Variants in TTC33 observed in about 807,000 individuals in gnomAD.
The protein encoded by TTC33 is tetratricopeptide repeat domain 33.
TTC33 carries 24 observed loss-of-function variants against 29.4 expected under a neutral mutation model. That is an observed-to-expected ratio of 0.82 (90% CI 0.59 to 1.15). TTC33 has a LOEUF of 1.15. TTC33 is among the 50% of genes most tolerant of loss of function. The pLI is 0.00. For synonymous variants in TTC33, 107 were observed against 100.3 expected (o/e 1.07, Z -0.40); for missense variants, 286 against 310.4 (o/e 0.92, Z 0.59).
Position 40,716,354 on chromosome 5 carries a change from T to A in TTC33, c.580A>T (p.Thr194Ser). Residue 194 changes from threonine to serine, a missense_variant, in exon 5 of 5, where the codon ACA becomes TCA. Thr to Ser is a moderately conservative substitution (Grantham distance 58, BLOSUM62 1). Coordinates refer to ENST00000337702, the MANE Select transcript of TTC33 (RefSeq NM_012382.3). ...GGAATTGACTTTGGTGAAAAGTGTGTTACTTCAGCTGGTGCTTCACTTTTT... is the reference window on the plus strand; with the variant it reads ...GGAATTGACTTTGGTGAAAAGTGTGATACTTCAGCTGGTGCTTCACTTTTT... ...IKKSEAPAEV[T>S]HFSPKSIPDY... is the part of the protein sequence containing the mutation. 6.2e-7 allele frequency: 1 copy of A among 1,614,204 alleles called. No homozygotes were observed. Among genetic ancestry groups the A allele is most frequent in the Non-Finnish European group, 8.5e-7 (1 of 1,180,034 alleles).
chr5:40,743,002 T>C (rs1408358029), intron 2 of TTC33, among the ~76,000 whole-genome samples: 1 of 152,198 alleles, frequency 6.6e-6, no homozygotes, highest in East Asian at 1.9e-4. Context: ...GAAGACACTA[T>C]ACAAGTTAGA....
Position 40,714,422 on chromosome 5 carries a change from C to T in TTC33, c.*1723G>A, listed in dbSNP as rs1169680109. 1 of 152,006 alleles carries T rather than the reference C, an allele frequency of 6.6e-6. No individual in the cohort carries two copies. Among genetic ancestry groups the T allele is most frequent in the African/African-American group, 2.4e-5 (1 of 41,388 alleles). The allele number at this position is 152,006 out of a possible 1,614,324, so 9.4% of individuals were successfully genotyped here. A position where few individuals can be genotyped will look rare whatever the true frequency, so the allele number is the denominator to read the frequency against. On this transcript the variant is annotated 3_prime_UTR_variant, in exon 5 of 5. Coordinates refer to ENST00000337702, the MANE Select transcript of TTC33 (RefSeq NM_012382.3). ...CATATAAGAAAGACACTAAGTAGAT[C>T]AATCTAATTTTTCAAAAGCTAACAA...
At chr5:40,718,081 A>T (rs1270560733) in intron 4 of TTC33, among the ~76,000 whole-genome samples, 7 of 151,774 alleles carry the variant, frequency 4.6e-5, no homozygotes, top group Admixed American at 4.6e-4. Flanking sequence ...AAAAGATTGC[A>T]CATAATCTAC....
chr5:40,725,219 T>A (rs1742254278), intron 4 of TTC33, among the ~76,000 whole-genome samples: 1 of 150,688 alleles, frequency 6.6e-6, no homozygotes, highest in Non-Finnish European at 1.5e-5. Context: ...ACTCCTGGCC[T>A]CAAGCAATCC....
At chr5:40,724,035 T>C (rs1742220267) in intron 4 of TTC33, among the ~76,000 whole-genome samples, 1 of 152,226 alleles carries the variant, frequency 6.6e-6, no homozygotes, top group Admixed American at 6.5e-5. Flanking sequence ...TCTGGATATT[T>C]ATCCAAAAGA....
intron 1 of TTC33, among the ~76,000 whole-genome samples, chr5:40,751,060 T>A (rs936512862): frequency 2.0e-5 from 3 of 152,228 alleles, no homozygotes; most frequent in African/African-American, 7.2e-5. Flanking sequence ...CTCCCATGAA[T>A]CACAAATATT....
At chr5:40,738,519 AAATAAAATAC>A (rs1159087002) in intron 2 of TTC33, among the ~76,000 whole-genome samples, 14 of 69,066 alleles carry the variant, frequency 2.0e-4, no homozygotes, top group Admixed American at 8.6e-4. Context: ...AAATACAATA[AAATAAAATAC>A]AATAAAATAC....
At chr5:40,738,048 TTTTCA>T (rs1742594243) in intron 2 of TTC33, among the ~76,000 whole-genome samples, 1 of 152,208 alleles carries the variant, frequency 6.6e-6, no homozygotes, top group Non-Finnish European at 1.5e-5. Flanking sequence ...GGATATAATG[TTTTCA>T]TTTCTTCTGA....
intron 4 of TTC33, among the ~76,000 whole-genome samples, chr5:40,724,614 C>G (rs1044394949): frequency 6.6e-6 from 1 of 151,638 alleles, no homozygotes; most frequent in African/African-American, 2.4e-5. Context: ...GCCTGGGGAA[C>G]AGAGCGAGAC....
intron 2 of TTC33, among the ~76,000 whole-genome samples, chr5:40,731,761 C>T (rs1742432861): frequency 6.6e-6 from 1 of 152,146 alleles, no homozygotes; most frequent in Non-Finnish European, 1.5e-5. Context: ...CTAAGATTGC[C>T]TTCCTACTCC....
chr5:40,713,089 A>G lies in TTC33; in HGVS notation c.*3056T>C, dbSNP rs765219154. Among the ~76,000 whole-genome samples the G allele has an allele frequency of 2.0e-5, 3 of 152,130 alleles. No individual in the cohort carries two copies. In the East Asian group the frequency reaches 5.8e-4, roughly 29 times the overall value. ...TTATCAAATACATCAGTTTAATAATAATCTCTAAGGAAGAAAAAAACACAT... is the reference window on the plus strand; with the variant it reads ...TTATCAAATACATCAGTTTAATAATGATCTCTAAGGAAGAAAAAAACACAT... On this transcript the variant is annotated 3_prime_UTR_variant, in exon 5 of 5. Transcript: ENST00000337702.
Position 40,716,107 on chromosome 5 carries a change from T to A in TTC33, c.*38A>T. 1 of 1,497,282 alleles carries A rather than the reference T, an allele frequency of 6.7e-7. No homozygotes were observed. The highest frequency in any genetic ancestry group is 9.0e-7 in the Non-Finnish European group (1 of 1,114,322). 92.7% of individuals were successfully genotyped at this position (1,497,282 alleles called of 1,614,324 possible). On this transcript the variant is annotated 3_prime_UTR_variant, in exon 5 of 5. Transcript: ENST00000337702. ...TCTATGTCAAAACTTCAAGAGGCAATCAAAAAGACAGATTCAAATAATCCT... is the reference window on the plus strand; with the variant it reads ...TCTATGTCAAAACTTCAAGAGGCAAACAAAAAGACAGATTCAAATAATCCT...
intron 4 of TTC33, 53 bp downstream of exon 4, chr5:40,728,292 A>AAAAAAAAAAAAAAAAAC (rs1742340180): frequency 8.0e-7 from 1 of 1,255,186 alleles, no homozygotes; most frequent in African/African-American, 1.5e-5. Context: ...AAAAAAAAAA[A>AAAAAAAAAAAAAAAAAC]AAAGTCAAAA....
intron 1 of TTC33, among the ~76,000 whole-genome samples, chr5:40,755,191 AT>A (rs1242463832): frequency 1.3e-5 from 2 of 152,180 alleles, no homozygotes; most frequent in African/African-American, 4.8e-5. Context: ...ACGGCTTCAC[AT>A]TTACCCAGCC....
In TTC33 at chr5:40,755,868, C is replaced by T. The variant is rs963532073; in HGVS notation, c.-46G>A. 2.0e-5 allele frequency: 3 copies of T among 151,616 alleles called. No homozygotes were observed. The highest frequency in any genetic ancestry group is 1.3e-4 in the Admixed American group (2 of 15,258). The allele number at this position is 151,616 out of a possible 1,614,324, so 9.4% of individuals were successfully genotyped here. ...GGTTTCCTAAGAAACGGGTTTGGCC[C>T]ACCCCTGGGCGTTCGAACAGTCCAC... On this transcript the variant is annotated 5_prime_UTR_variant, in exon 1 of 5. Coordinates refer to ENST00000337702, the MANE Select transcript of TTC33 (RefSeq NM_012382.3).
intron 4 of TTC33, among the ~76,000 whole-genome samples, chr5:40,717,997 G>A: frequency 6.6e-6 from 1 of 151,948 alleles, no homozygotes. Flanking sequence ...GGGAGGCGGA[G>A]GTTGCAGTGA....
At position 40,723,870 on chromosome 5, in the gene TTC33, AAAAC is replaced by A. The variant is rs201676877; in HGVS notation, c.435+4471_435+4474del. ...ACAGAGCAAGATTCCCTCTCAAAAAAAAACAAACAAACAAAAAGGCAAGATGTGT... is the reference window on the plus strand; with the variant it reads ...ACAGAGCAAGATTCCCTCTCAAAAAAAAACAAACAAAAAGGCAAGATGTGT... On this transcript the variant is annotated intron_variant, in intron 4 of 4. Transcript: ENST00000337702. 6.1e-3 allele frequency among the ~76,000 whole-genome samples: 926 copies of A among 152,302 alleles called. 40 individuals are homozygous for A. In the East Asian group the frequency reaches 0.11, roughly 19 times the overall value.
chr5:40,747,151 C>T (rs1002054332), intron 1 of TTC33, 132 bp from the exon 2 acceptor site: 17 of 728,854 alleles, frequency 2.3e-5, no homozygotes, highest in East Asian at 2.1e-4. Context: ...CTCCGCCTCC[C>T]GGGTTAAGTG....
At position 40,728,398 on chromosome 5, in the gene TTC33, C is replaced by A; in HGVS notation, c.382G>T (p.Glu128Ter). 1 of 1,613,606 alleles carries A rather than the reference C, an allele frequency of 6.2e-7. No individual in the cohort carries two copies. The highest frequency in any genetic ancestry group is 8.5e-7 in the Non-Finnish European group (1 of 1,179,758). Residue 128 changes from glutamate (E) to a stop codon, truncating the protein, a stop_gained, in exon 4 of 5, where the codon GAG (glutamate) becomes TAG (stop). Transcript: ENST00000337702. LOFTEE classifies it high-confidence loss of function. Reference protein sequence around the residue: ...MAVQQNPHSWESWQTLGRAQL... With the variant: ...MAVQQNPHSW The stretch of plus-strand genomic sequence containing the variant: ...GCACGTCCCAAAGTCTGCCAAGACT[C>A]CCATGAATGTGGATTTTGCTGGACG...
Sources: allele counts gnomAD v4.1 joint callset (sites outside exome capture counted in the v4.1 genomes callset), GRCh38; gene constraint gnomAD v4.1.1; transcripts MANE v1.5; gene names NCBI Gene and HGNC (gene_info 2026-07-23, HGNC 2026-07-21).